Variants in TEAD1 observed in about 807,000 individuals in gnomAD.
The protein encoded by TEAD1 is transcriptional enhancer factor TEF-1.
TEAD1 carries 9 observed loss-of-function variants against 54.9 expected under a neutral mutation model. That is an observed-to-expected ratio of 0.16 (90% confidence interval 0.10 to 0.29). The LOEUF is 0.29. Ranked by LOEUF, TEAD1 falls within the 10% of genes least tolerant of loss-of-function variation. The probability of loss-of-function intolerance (pLI) is 1.00; values close to 1 mark genes in which losing one functional copy is unlikely to be tolerated. For synonymous variants in TEAD1, 200 were observed against 187.8 expected (o/e 1.07, Z -0.53); for missense variants, 387 against 535.9 (o/e 0.72, Z 2.74).
chr11:12,706,381 A>G (rs926479569), intron 2 of TEAD1, among the ~76,000 whole-genome samples: 1 of 152,206 alleles, frequency 6.6e-6, no homozygotes, highest in Non-Finnish European at 1.5e-5. Flanking sequence ...GAAAGGTTAA[A>G]TAGGTACCAT....
chr11:12,785,415 C>T (rs1179620644), intron 3 of TEAD1, among the ~76,000 whole-genome samples: 1 of 152,182 alleles, frequency 6.6e-6, no homozygotes, highest in Non-Finnish European at 1.5e-5. Context: ...GGTTCCAGGG[C>T]ACAGAGGTTG....
At position 12,938,151 on chromosome 11, in the gene TEAD1, A is replaced by T. The variant is rs1949127369; in HGVS notation, c.*929A>T. On this transcript the variant is annotated 3_prime_UTR_variant, in exon 13 of 13. Transcript: ENST00000527636. ...TTTTATATGGACGACCAAATTTTTT[A>T]TTAAGATGAGTAAATATTTGAACCA... 6.6e-6 allele frequency: 1 copy of T among 152,642 alleles called. No individual in the cohort carries two copies. The highest frequency in any genetic ancestry group is 2.4e-5 in the African/African-American group (1 of 41,456). 9.5% of individuals were successfully genotyped at this position (152,642 alleles called of 1,614,324 possible).
chr11:12,788,019 A>G (rs918894862), intron 3 of TEAD1, among the ~76,000 whole-genome samples: 9 of 149,908 alleles, frequency 6.0e-5, no homozygotes, highest in African/African-American at 2.0e-4. Context: ...CTGGAGTGCA[A>G]TGACTCAGTC....
intron 3 of TEAD1, among the ~76,000 whole-genome samples, chr11:12,834,693 C>T (rs1233292189): frequency 6.6e-6 from 1 of 151,310 alleles, no homozygotes; most frequent in Non-Finnish European, 1.5e-5. Context: ...AACTCCTGGG[C>T]TCCAGCGATC....
intron 9 of TEAD1, among the ~76,000 whole-genome samples, chr11:12,899,283 CA>C (rs1427292063): frequency 9.1e-6 from 1 of 110,044 alleles, no homozygotes; most frequent in Non-Finnish European, 1.9e-5. Context: ...TGGACGGATA[CA>C]TAGCCAGTTG....
chr11:12,718,670 T>A (rs1944117320), intron 2 of TEAD1, among the ~76,000 whole-genome samples: 1 of 152,190 alleles, frequency 6.6e-6, no homozygotes, highest in Non-Finnish European at 1.5e-5. Context: ...GTATTATTTC[T>A]GAATCCAGTT....
intron 7 of TEAD1, 98 bp from the exon 8 acceptor site, chr11:12,881,798 T>A: frequency 1.6e-6 from 2 of 1,260,998 alleles, no homozygotes; most frequent in Non-Finnish European, 2.3e-6. Context: ...ACCACAGCGG[T>A]GAAGGACCTC....
intron 2 of TEAD1, among the ~76,000 whole-genome samples, chr11:12,742,399 AAGTAG>A (rs1261064746): frequency 6.6e-6 from 1 of 152,186 alleles, no homozygotes; most frequent in East Asian, 1.9e-4. Flanking sequence ...AACTCATAAA[AAGTAG>A]AGTAGAATGG....
chr11:12,876,696 G>A (rs1188572859), intron 5 of TEAD1, among the ~76,000 whole-genome samples: 1 of 152,200 alleles, frequency 6.6e-6, no homozygotes, highest in East Asian at 1.9e-4. Flanking sequence ...CATTACCTCA[G>A]TTTCAGAAAT....
intron 10 of TEAD1, among the ~76,000 whole-genome samples, chr11:12,920,145 C>G (rs1442304473): frequency 6.6e-6 from 1 of 152,134 alleles, no homozygotes; most frequent in East Asian, 1.9e-4. Context: ...TGTTGAAAGT[C>G]ATTTTGTCAA....
chr11:12,845,886 A>G (rs1947136540), intron 3 of TEAD1, among the ~76,000 whole-genome samples: 1 of 152,242 alleles, frequency 6.6e-6, no homozygotes, highest in Non-Finnish European at 1.5e-5. Context: ...TTTGCTCAGC[A>G]TACCACACAG....
rs1949119872 is a variant in TEAD1 at position 12,937,376 on chromosome 11, TTGAG to T, written c.*158_*161del. The T allele has an allele frequency of 5.0e-6, 3 of 596,988 alleles. No individual in the cohort carries two copies. The South Asian group carries it at 6.2e-5, about 12-fold the overall frequency. 37.0% of individuals were successfully genotyped at this position (596,988 alleles called of 1,614,324 possible). ...TCACCCCGACTTTTCTAAATCTTGT[TTGAG>T]TGAAGTCATTTTTTCATGTGTTCAT... On this transcript the variant is annotated 3_prime_UTR_variant, in exon 13 of 13. Transcript: ENST00000527636.
At chr11:12,783,191 C>CTTTTTT (rs1564938284) in intron 3 of TEAD1, among the ~76,000 whole-genome samples, 4 of 114,152 alleles carry the variant, frequency 3.5e-5, no homozygotes, top group African/African-American at 1.5e-4. Flanking sequence ...AGTTTTTGTG[C>CTTTTTT]CTTTTTTTTT....
At chr11:12,805,330 T>A (rs929876165) in intron 3 of TEAD1, among the ~76,000 whole-genome samples, 3 of 152,198 alleles carry the variant, frequency 2.0e-5, no homozygotes, top group Non-Finnish European at 4.4e-5. Context: ...AATTTAGAGA[T>A]GTTAGAACAT....
intron 3 of TEAD1, among the ~76,000 whole-genome samples, chr11:12,817,142 G>A (rs1436812810): frequency 2.6e-5 from 4 of 152,166 alleles, no homozygotes; most frequent in Non-Finnish European, 5.9e-5. Context: ...TGCTTGGATT[G>A]AATTGGATTC....
chr11:12,795,653 A>G (rs777383288), intron 3 of TEAD1, among the ~76,000 whole-genome samples: 1 of 152,202 alleles, frequency 6.6e-6, no homozygotes, highest in Non-Finnish European at 1.5e-5. Context: ...CCTGTGGTCC[A>G]TGGACCAACT....
chr11:12,741,934 T>G (rs1044834374), intron 2 of TEAD1, among the ~76,000 whole-genome samples: 5 of 152,172 alleles, frequency 3.3e-5, no homozygotes, highest in African/African-American at 1.2e-4. Flanking sequence ...GTCTGTTACC[T>G]CAGCTTTAAT....
intron 2 of TEAD1, among the ~76,000 whole-genome samples, chr11:12,730,428 T>G (rs925430337): frequency 1.1e-4 from 16 of 146,992 alleles, no homozygotes; most frequent in Non-Finnish European, 1.9e-4. Flanking sequence ...TTTTTTTTTT[T>G]TTTTTTTTTT....
chr11:12,800,841 A>G (rs1268135570), intron 3 of TEAD1, among the ~76,000 whole-genome samples: 1 of 152,168 alleles, frequency 6.6e-6, no homozygotes. Flanking sequence ...TAGATTTCTA[A>G]GAGTCCTATA....
Sources: allele counts gnomAD v4.1 joint callset (sites outside exome capture counted in the v4.1 genomes callset), GRCh38; gene constraint gnomAD v4.1.1; transcripts MANE v1.5; gene names NCBI Gene and HGNC (gene_info 2026-07-23, HGNC 2026-07-21).